BEND4: variants seen among roughly 807,000 people sequenced by gnomAD.
The protein encoded by BEND4 is BEN domain containing 4, also known as BEN domain-containing protein 4.
BEND4 carries 27 observed loss-of-function variants against 54.7 expected under a neutral mutation model. That is an observed-to-expected ratio of 0.49 (90% CI 0.36 to 0.68). The LOEUF (loss-of-function observed/expected upper bound fraction) is 0.68. BEND4 is among the 30% of genes least tolerant of loss of function. The probability of loss-of-function intolerance (pLI) is 0.00; values close to 1 mark genes in which losing one functional copy is unlikely to be tolerated. For synonymous variants in BEND4, 327 were observed against 299.5 expected, an observed-to-expected ratio of 1.09 and a Z score of -0.95; for missense variants, 702 against 697.2, an observed-to-expected ratio of 1.01 and a Z score of -0.08.
intron 2 of BEND4, among the ~76,000 whole-genome samples, chr4:42,145,894 C>A (rs760944099): frequency 2.6e-5 from 4 of 152,106 alleles, no homozygotes; most frequent in Admixed American, 2.0e-4. Flanking sequence ...GAAATAGTTA[C>A]TGAACACACA....
intron 3 of BEND4, among the ~76,000 whole-genome samples, chr4:42,133,856 AAAACAAAC>A (rs1013316000): frequency 2.6e-5 from 4 of 152,226 alleles, no homozygotes; most frequent in Non-Finnish European, 5.9e-5. Flanking sequence ...TTCGTCTCAA[AAAACAAAC>A]AAACAAACAA....
chr4:42,151,617 C>T (rs1452991259), intron 2 of BEND4, 40 bp downstream of exon 2: 34 of 1,428,464 alleles, frequency 2.4e-5, no homozygotes, highest in Non-Finnish European at 3.1e-5. Context: ...CCGCTGCCCC[C>T]GGCCGTGGCG....
rs528825533 is a variant in BEND4, at chr4:42,131,739, C to T, written c.1055-6065G>A. ...TGGGTCCTGTACATTGATACCTGGG[C>T]ACAGGCTAAGGACCAGTAAGACTGA... On this transcript the variant is annotated intron_variant, in intron 3 of 5. Coordinates refer to ENST00000502486, the MANE Select transcript of BEND4 (RefSeq NM_207406.4). Among the ~76,000 whole-genome samples the T allele has an allele frequency of 3.3e-5, 5 of 152,100 alleles. No homozygotes were observed. In the East Asian group the frequency reaches 9.6e-4, roughly 29 times the overall value.
chr4:42,144,963 G>A (rs189860073), intron 2 of BEND4, among the ~76,000 whole-genome samples: 1 of 152,210 alleles, frequency 6.6e-6, no homozygotes, highest in East Asian at 1.9e-4. Context: ...ACAGAGAGGG[G>A]CACTTTTCAG....
chr4:42,152,437 G>C (rs1052585565), intron 1 of BEND4, 61 bp from the exon 2 acceptor site: 1 of 173,514 alleles, frequency 5.8e-6, no homozygotes, highest in South Asian at 2.0e-4. Flanking sequence ...ATGATAATGG[G>C]GGCGGGGCGG....
intron 3 of BEND4, among the ~76,000 whole-genome samples, chr4:42,126,969 T>C (rs557976094): frequency 6.6e-6 from 1 of 152,390 alleles, no homozygotes; most frequent in African/African-American, 2.4e-5. Flanking sequence ...AGCTGTGTGT[T>C]TTCTTAAGAT....
intron 3 of BEND4, among the ~76,000 whole-genome samples, chr4:42,136,946 G>A (rs190020558): frequency 1.5e-4 from 23 of 152,340 alleles, no homozygotes; most frequent in African/African-American, 4.8e-4. Context: ...AGGCTCTTAG[G>A]AACCTAGCTC....
At position 42,150,603 on chromosome 4, in the gene BEND4, T is replaced by C. The variant is rs73155341; in HGVS notation, c.487+1054A>G. On this transcript the variant is annotated intron_variant, in intron 2 of 5. Coordinates refer to ENST00000502486, the MANE Select transcript of BEND4 (RefSeq NM_207406.4). ...GGCTTCAAAGTGCCATAAAAGGCCTTGGCAGGAACTTTTAGTTCTAATGAG... is the reference window on the plus strand; with the variant it reads ...GGCTTCAAAGTGCCATAAAAGGCCTCGGCAGGAACTTTTAGTTCTAATGAG... Among the ~76,000 whole-genome samples the C allele has an allele frequency of 3.5e-3, 539 of 152,300 alleles. 5 individuals carry two copies. The highest frequency in any genetic ancestry group is 0.012 in the African/African-American group (488 of 41,558).
intron 3 of BEND4, among the ~76,000 whole-genome samples, chr4:42,138,976 A>C (rs1720792311): frequency 1.3e-5 from 2 of 152,152 alleles, no homozygotes; most frequent in Non-Finnish European, 2.9e-5. Context: ...GATTAGATGA[A>C]ATATGGTATT....
At chr4:42,139,854 G>T (rs1720825599) in intron 3 of BEND4, among the ~76,000 whole-genome samples, 1 of 152,198 alleles carries the variant, frequency 6.6e-6, no homozygotes, top group Admixed American at 6.5e-5. Flanking sequence ...GAACGATGGG[G>T]TCCTGTTGAG....
At chr4:42,119,207 G>C (rs546434117) in intron 5 of BEND4, among the ~76,000 whole-genome samples, 2 of 151,910 alleles carry the variant, frequency 1.3e-5, no homozygotes, top group Admixed American at 1.3e-4. Flanking sequence ...GTGATAATCC[G>C]GCTTTTTTTT....
intron 3 of BEND4, among the ~76,000 whole-genome samples, chr4:42,135,932 T>C (rs1256257356): frequency 6.6e-6 from 1 of 152,212 alleles, no homozygotes; most frequent in Non-Finnish European, 1.5e-5. Context: ...CGGCTTTGAC[T>C]CCGAATCCAT....
Position 42,143,673 on chromosome 4 carries a change from G to A in BEND4, c.809C>T (p.Ala270Val), listed in dbSNP as rs1301375731. The A allele has an allele frequency of 6.2e-7, 1 of 1,614,010 alleles. No homozygotes were observed. The change falls in exon 3 of 6, where the codon GCC becomes GTC. Residue 270 changes from alanine (A) to valine (V), a missense_variant. Physicochemically the swap from Ala to Val is moderately conservative, Grantham distance 64. Coordinates refer to ENST00000502486, the MANE Select transcript of BEND4 (RefSeq NM_207406.4). ...GSFPTPNPSS[A>V]SEYGHLADVD... The stretch of plus-strand genomic sequence containing the variant: ...GTCGGCCAGATGGCCATATTCACTG[G>A]CTGACGAGGGGTTTGGAGTTGGAAA...
At chr4:42,136,285 A>C (rs775582634) in intron 3 of BEND4, among the ~76,000 whole-genome samples, 1 of 152,166 alleles carries the variant, frequency 6.6e-6, no homozygotes, top group Admixed American at 6.5e-5. Context: ...GTTCTTGCAA[A>C]ATTCCTGTTA....
At chr4:42,125,985 C>T (rs1267770599) in intron 3 of BEND4, among the ~76,000 whole-genome samples, 3 of 152,134 alleles carry the variant, frequency 2.0e-5, no homozygotes, top group Admixed American at 6.5e-5. Context: ...AAGTGATCCT[C>T]CTGCTTTGGC....
In BEND4 at chr4:42,120,211, A is replaced by G. The variant is rs1333608766; in HGVS notation, c.1230T>C (p.Asp410=). 3.1e-6 allele frequency: 5 copies of G among 1,613,948 alleles called. No individual in the cohort carries two copies. The highest frequency in any genetic ancestry group is 4.2e-6 in the Non-Finnish European group (5 of 1,179,888). ...WDEAVNSSKK[D]GRRLLRYLIR... ...TGAGGTATCGAAGGAGCCGTCTCCC[A>G]TCTTTCTTTGAAGAATTTACAGCCT... is the stretch of plus-strand genomic sequence containing the variant. Residue 410 remains aspartate (D), a synonymous_variant, in exon 5 of 6, where the codon GAT becomes GAC. Transcript: ENST00000502486.
intron 2 of BEND4, among the ~76,000 whole-genome samples, chr4:42,150,614 T>C (rs1306703811): frequency 6.6e-6 from 1 of 152,126 alleles, no homozygotes; most frequent in Non-Finnish European, 1.5e-5. Context: ...GGCAGGAACT[T>C]TTAGTTCTAA....
rs752577004 is a variant in BEND4 at position 42,143,930 on chromosome 4, A to G, written c.552T>C (p.Cys184=). ...QCSRVLSLLN[C]GGKLLDSNHS... ...GGTTGGAGTCCAGGAGTTTTCCTCC[A>G]CAATTTAAGAGGCTAAGAACTCGAC... Residue 184 remains cysteine, a synonymous_variant, in exon 3 of 6, where the codon TGT becomes TGC. Coordinates refer to ENST00000502486, the MANE Select transcript of BEND4 (RefSeq NM_207406.4). 5.9e-6 allele frequency: 9 copies of G among 1,536,784 alleles called. No individual in the cohort carries two copies. The highest frequency in any genetic ancestry group is 7.9e-6 in the Non-Finnish European group (9 of 1,146,218).
chr4:42,121,686 CA>C (rs1720065114), intron 4 of BEND4, among the ~76,000 whole-genome samples: 1 of 152,132 alleles, frequency 6.6e-6, no homozygotes, highest in African/African-American at 2.4e-5. Flanking sequence ...CCAGAGCTCC[CA>C]AAAAGTCCTT....
Sources: gnomAD v4.1 joint callset for allele counts (sites outside exome capture counted in the v4.1 genomes callset) on GRCh38, gnomAD v4.1.1 for gene constraint, MANE v1.5 for transcripts, NCBI Gene and HGNC (gene_info 2026-07-23, HGNC 2026-07-21) for gene names.